PPIC: variants seen among roughly 807,000 people sequenced by gnomAD.
PPIC encodes the protein peptidyl-prolyl cis-trans isomerase C.
A neutral mutation model predicts 19.5 loss-of-function variants in PPIC; 19 were observed. The observed-to-expected ratio is 0.98, with a 90% CI of 0.68 to 1.43. PPIC has a LOEUF of 1.43. Ranked by LOEUF, PPIC falls within the 40% of genes most tolerant of loss-of-function variation. The pLI, the probability that PPIC is intolerant of heterozygous loss-of-function variation, is 0.00. For synonymous variants in PPIC, 107 were observed against 101.2 expected, an observed-to-expected ratio of 1.06 and a Z score of -0.34; for missense variants, 268 against 268.6, an observed-to-expected ratio of 1.00 and a Z score of 0.02.
chr5:123,023,799 G>GACACC lies in PPIC; in HGVS notation c.*75_*76insGGTGT. ...AAAAAAAAAAAGCAAATAATTGAAA[G>GACACC]ACAACACAACACACACACACACACA... On this transcript the variant is annotated 3_prime_UTR_variant, in exon 5 of 5. Transcript: ENST00000306442. 8.3e-7 allele frequency: 1 copy of GACACC among 1,202,640 alleles called. No individual in the cohort carries two copies. The highest frequency in any genetic ancestry group is 1.1e-6 in the Non-Finnish European group (1 of 922,010). The allele number at this position is 1,202,640 out of a possible 1,614,324, so 74.5% of individuals were successfully genotyped here. A position where few individuals can be genotyped will look rare whatever the true frequency, so the allele number is the denominator to read the frequency against.
In PPIC at chr5:123,036,397, G is replaced by A; in HGVS notation, c.117+112C>T. 9.9e-7 allele frequency: 1 copy of A among 1,007,630 alleles called. No individual in the cohort carries two copies. Among genetic ancestry groups the A allele is most frequent in the Non-Finnish European group, 1.5e-6 (1 of 670,538 alleles). The allele number at this position is 1,007,630 out of a possible 1,614,324, so 62.4% of individuals were successfully genotyped here. A position where few individuals can be genotyped will look rare whatever the true frequency, so the allele number is the denominator to read the frequency against. On this transcript the variant is annotated intron_variant, in intron 1 of 4. Coordinates refer to ENST00000306442, the MANE Select transcript of PPIC (RefSeq NM_000943.5). The surrounding 1 kb of genome is among the most constrained non-coding windows in gnomAD (Gnocchi z 4.5). ...TCCCGCGGCCGCCTCCAGTCCCCCT[G>A]CGCCCGGGAAGCCTCCACCTCGCCC... is the stretch of plus-strand genomic sequence containing the variant.
chr5:123,029,448 G>C, intron 1 of PPIC, 30 bp from the exon 2 acceptor site: 1 of 1,531,544 alleles, frequency 6.5e-7, no homozygotes, highest in South Asian at 1.3e-5. Context: ...AAAGTGGAAG[G>C]TTATAAGGTG....
rs760096132 is a variant in PPIC at position 123,029,344 on chromosome 5, G to A, written c.192C>T (p.Pro64=). Residue 64 remains proline (P), a synonymous_variant, in exon 2 of 5, where the codon CCC becomes CCT. Coordinates refer to ENST00000306442, the MANE Select transcript of PPIC (RefSeq NM_000943.5). ...IVIGLFGKVV[P]KTVENFVALA... Reference sequence around the variant, plus strand: ...GAGCAACAAAATTTTCCACTGTCTTGGGCACAACTTTTCCAAAGAGGCCAA... The same window carrying A: ...GAGCAACAAAATTTTCCACTGTCTTAGGCACAACTTTTCCAAAGAGGCCAA... The A allele has an allele frequency of 6.2e-7, 1 of 1,612,650 alleles. No individual in the cohort carries two copies. Among genetic ancestry groups the A allele is most frequent in the Non-Finnish European group, 8.5e-7 (1 of 1,179,156 alleles).
Position 123,025,364 on chromosome 5 carries a change from A to G in PPIC, c.510+420T>C, listed in dbSNP as rs117311432. 3.9e-4 allele frequency among the ~76,000 whole-genome samples: 59 copies of G among 152,264 alleles called. No homozygotes were observed. In the East Asian group the frequency reaches 9.8e-3, roughly 25 times the overall value. ...TCTACTTTCTGTTTCTATCAATGTG[A>G]CCACTTTAGATATTTTATATAAATG... On this transcript the variant is annotated intron_variant, in intron 4 of 4. Transcript: ENST00000306442.
intron 1 of PPIC, among the ~76,000 whole-genome samples, chr5:123,035,823 A>G (rs1408498211): frequency 1.3e-5 from 2 of 152,146 alleles, no homozygotes; most frequent in Non-Finnish European, 2.9e-5. Context: ...ACTTTCTGGC[A>G]GCCCCCCGCC....
rs1055070155 is a variant in PPIC, at chr5:123,036,701, G to C, written c.-76C>G. The C allele has an allele frequency of 5.3e-6, 7 of 1,313,724 alleles. No individual in the cohort carries two copies. The highest frequency in any genetic ancestry group is 4.0e-5 in the South Asian group (3 of 75,796). The allele number at this position is 1,313,724 out of a possible 1,614,324, so 81.4% of individuals were successfully genotyped here. On this transcript the variant is annotated 5_prime_UTR_variant, in exon 1 of 5. Transcript: ENST00000306442. The surrounding 1 kb of genome is among the most constrained non-coding windows in gnomAD (Gnocchi z 4.5). The stretch of plus-strand genomic sequence containing the variant: ...CGACACAGGCTCTGGGACAGCTGAC[G>C]GGACTGCCGGCCGGCTGCGCCTGCG...
chr5:123,024,083 CA>C, intron 4 of PPIC, 80 bp from the exon 5 acceptor site: 1 of 1,499,784 alleles, frequency 6.7e-7, no homozygotes, highest in South Asian at 1.4e-5. Flanking sequence ...AAGCCAACTC[CA>C]AAAGCCCAAG....
intron 3 of PPIC, chr5:123,028,414 G>A (rs34675653): frequency 3.9e-5 from 7 of 180,330 alleles, no homozygotes; most frequent in East Asian, 1.4e-4. Flanking sequence ...CACCTCTGCC[G>A]CACGCTGCCA....
At chr5:123,031,412 C>G (rs1289059020) in intron 1 of PPIC, among the ~76,000 whole-genome samples, 2 of 152,126 alleles carry the variant, frequency 1.3e-5, no homozygotes, top group Non-Finnish European at 2.9e-5. Flanking sequence ...AGGAGGGGAG[C>G]CATCTCCCCA....
rs183328754 is a variant in PPIC at position 123,026,032 on chromosome 5, C to T, written c.326-64G>A. 7.8e-6 allele frequency: 11 copies of T among 1,407,310 alleles called. No homozygotes were observed. The African/African-American group carries it at 1.4e-4, about 18-fold the overall frequency. 87.2% of individuals were successfully genotyped at this position (1,407,310 alleles called of 1,614,324 possible). On this transcript the variant is annotated intron_variant, in intron 3 of 4. Coordinates refer to ENST00000306442, the MANE Select transcript of PPIC (RefSeq NM_000943.5). ...CAAAAGTCAGCTCTTCAAAGGGAAACATAAGGCCTTAGAGGAATCAATTAC... is the reference window on the plus strand; with the variant it reads ...CAAAAGTCAGCTCTTCAAAGGGAAATATAAGGCCTTAGAGGAATCAATTAC...
In PPIC at chr5:123,036,117, T is replaced by G. The variant is rs1357186592; in HGVS notation, c.117+392A>C. On this transcript the variant is annotated intron_variant, in intron 1 of 4. Transcript: ENST00000306442. The surrounding 1 kb of genome is among the most constrained non-coding windows in gnomAD (Gnocchi z 4.5). Reference sequence around the variant, plus strand: ...CTCTCCTGTGCGGGTCCCGCCCCCCTCCCCGCATTCCTCTCGTTCTGCTCC... The same window carrying G: ...CTCTCCTGTGCGGGTCCCGCCCCCCGCCCCGCATTCCTCTCGTTCTGCTCC... Among the ~76,000 whole-genome samples the G allele has an allele frequency of 1.3e-5, 2 of 149,876 alleles. No homozygotes were observed. The highest frequency in any genetic ancestry group is 3.0e-5 in the Non-Finnish European group (2 of 67,300).
At chr5:123,028,369 T>A (rs1762892682) in intron 3 of PPIC, 1 of 163,844 alleles carries the variant, frequency 6.1e-6, no homozygotes, top group Admixed American at 6.4e-5. Context: ...AGTCTCAATC[T>A]CCTGGCATGA....
At chr5:123,031,957 T>C (rs1762948891) in intron 1 of PPIC, among the ~76,000 whole-genome samples, 1 of 152,068 alleles carries the variant, frequency 6.6e-6, no homozygotes. Context: ...CCACCACACC[T>C]GGCTAATTTT....
At chr5:123,025,726 T>C (rs751045808) in intron 4 of PPIC, 58 bp downstream of exon 4, 17 of 1,525,358 alleles carry the variant, frequency 1.1e-5, no homozygotes, top group Non-Finnish European at 1.5e-5. Context: ...AATAAATCAC[T>C]GAAAGTACTC....
chr5:123,028,446 T>C, intron 3 of PPIC: 1 of 213,840 alleles, frequency 4.7e-6, no homozygotes, highest in South Asian at 1.7e-4. Context: ...CGCAGCTTCA[T>C]GTTCCACACC....
At chr5:123,031,547 G>A (rs994842079) in intron 1 of PPIC, among the ~76,000 whole-genome samples, 4 of 152,212 alleles carry the variant, frequency 2.6e-5, no homozygotes, top group Admixed American at 1.3e-4. Context: ...GGGTTAGAGT[G>A]GGTGGGGGGC....
chr5:123,036,399 G>C lies in PPIC; in HGVS notation c.117+110C>G, dbSNP rs1763013344. On this transcript the variant is annotated intron_variant, in intron 1 of 4. Coordinates refer to ENST00000306442, the MANE Select transcript of PPIC (RefSeq NM_000943.5). This position sits in a 1 kb window ranked among gnomAD's most constrained non-coding sequence, Gnocchi z 4.5. Reference sequence around the variant, plus strand: ...CCGCGGCCGCCTCCAGTCCCCCTGCGCCCGGGAAGCCTCCACCTCGCCCGC... The same window carrying C: ...CCGCGGCCGCCTCCAGTCCCCCTGCCCCCGGGAAGCCTCCACCTCGCCCGC... The C allele has an allele frequency of 5.9e-6, 6 of 1,009,706 alleles. No individual in the cohort carries two copies. Among genetic ancestry groups the C allele is most frequent in the Non-Finnish European group, 8.9e-6 (6 of 673,552 alleles). 62.5% of individuals were successfully genotyped at this position (1,009,706 alleles called of 1,614,324 possible).
chr5:123,036,336 G>C lies in PPIC; in HGVS notation c.117+173C>G. 4.8e-6 allele frequency: 3 copies of C among 618,774 alleles called. No individual in the cohort carries two copies. Among genetic ancestry groups the C allele is most frequent in the Non-Finnish European group, 8.4e-6 (3 of 355,062 alleles). The allele number at this position is 618,774 out of a possible 1,614,324, so 38.3% of individuals were successfully genotyped here. ...CCCCCAGGGTCTCCCCCGGAGCGCC[G>C]GCCTCCCAGCACGCGAGCAGCCCCC... On this transcript the variant is annotated intron_variant, in intron 1 of 4. Transcript: ENST00000306442. The surrounding 1 kb of genome is among the most constrained non-coding windows in gnomAD (Gnocchi z 4.5).
chr5:123,031,691 GAA>G (rs1292419426), intron 1 of PPIC, among the ~76,000 whole-genome samples: 1 of 152,218 alleles, frequency 6.6e-6, no homozygotes, highest in Admixed American at 6.5e-5. Context: ...CAAACGGAGA[GAA>G]AGAGAATCTG....
Sources: gnomAD v4.1 joint callset for allele counts (sites outside exome capture counted in the v4.1 genomes callset) on GRCh38, gnomAD v4.1.1 for gene constraint, Gnocchi (gnomAD v3.1) non-coding constraint, MANE v1.5 for transcripts, NCBI Gene and HGNC (gene_info 2026-07-23, HGNC 2026-07-21) for gene names.